The following ITPR2 variants were observed in gnomAD, a reference collection of about 807,000 sequenced individuals.
ITPR2 encodes inositol 1,4,5-trisphosphate-gated calcium channel ITPR2.
In ITPR2, 207 loss-of-function variants were observed where a neutral mutation model predicts 317.1. That is an observed-to-expected ratio of 0.65 (90% CI 0.58 to 0.73). The LOEUF (loss-of-function observed/expected upper bound fraction) is 0.73. Among genes scored for constraint, ITPR2 ranks in the 30% least tolerant of loss-of-function variants. The pLI is 0.00. For synonymous variants in ITPR2, 1,156 were observed against 1,149.1 expected, an observed-to-expected ratio of 1.01 and a Z score of -0.12; for missense variants, 2,613 against 3,284.0, an observed-to-expected ratio of 0.80 and a Z score of 4.99.
chr12:26,697,317 G>C (rs931043515), intron 9 of ITPR2, among the ~76,000 whole-genome samples: 3 of 152,080 alleles, frequency 2.0e-5, no homozygotes, highest in Non-Finnish European at 4.4e-5. Flanking sequence ...AACAAAGGAA[G>C]GAAAAAAGAA....
At chr12:26,424,901 A>AT (rs1941010123) in intron 49 of ITPR2, among the ~76,000 whole-genome samples, 1 of 151,888 alleles carries the variant, frequency 6.6e-6, no homozygotes, top group South Asian at 2.1e-4. Flanking sequence ...CTGGGACTAC[A>AT]GGTACGCACC....
At chr12:26,654,692 ACTCTCT>A (rs112280466) in intron 20 of ITPR2, among the ~76,000 whole-genome samples, 4,109 of 148,972 alleles carry the variant, frequency 0.028, 54 homozygotes, top group Middle Eastern at 0.069. Context: ...TCCATCTTGT[ACTCTCT>A]CTCTCTCTCT....
chr12:26,461,689 T>TACAC (rs1555133712), intron 45 of ITPR2, among the ~76,000 whole-genome samples: 2 of 93,192 alleles, frequency 2.1e-5, no homozygotes, highest in African/African-American at 7.7e-5. Flanking sequence ...TACATATATA[T>TACAC]ATACACACAC....
chr12:26,738,273 G>A (rs757739137), intron 2 of ITPR2, among the ~76,000 whole-genome samples: 1 of 152,168 alleles, frequency 6.6e-6, no homozygotes, highest in Non-Finnish European at 1.5e-5. Context: ...ACTAAAGATA[G>A]AAAGGACATA....
rs775585829 is a variant in ITPR2 at position 26,831,785 on chromosome 12, TATAA to T, written c.92+901_92+904del. ...ATAAATATATATTCTACATAAAATA[TATAA>T]ATATATATTATACATAAAATATATA... is the stretch of plus-strand genomic sequence containing the variant. On this transcript the variant is annotated intron_variant, in intron 1 of 56. Transcript: ENST00000381340. The surrounding 1 kb of genome is among the most constrained non-coding windows in gnomAD (Gnocchi z 4.9). 3.8e-4 allele frequency among the ~76,000 whole-genome samples: 35 copies of T among 91,704 alleles called. No homozygotes were observed. Among genetic ancestry groups the T allele is most frequent in the Admixed American group, 1.8e-3 (17 of 9,396 alleles). 60.2% of individuals were successfully genotyped at this position (91,704 alleles called of 152,430 possible).
chr12:26,443,161 A>G (rs1357729507), intron 46 of ITPR2, among the ~76,000 whole-genome samples: 1 of 152,176 alleles, frequency 6.6e-6, no homozygotes, highest in Non-Finnish European at 1.5e-5. Context: ...TCCACTTGTG[A>G]ATTGCTGGAG....
intron 37 of ITPR2, among the ~76,000 whole-genome samples, chr12:26,549,776 T>C (rs1308216791): frequency 2.0e-5 from 3 of 152,004 alleles, no homozygotes; most frequent in Non-Finnish European, 4.4e-5. Flanking sequence ...AGAAACTGAC[T>C]ATTCCACTTA....
Position 26,343,407 on chromosome 12 carries a change from A to T in ITPR2, c.7858-3079T>A, listed in dbSNP as rs563362620. Among the ~76,000 whole-genome samples, 8 of 152,360 alleles carry T rather than the reference A, an allele frequency of 5.3e-5. 1 individual carries two copies. Among genetic ancestry groups the T allele is most frequent in the African/African-American group, 1.9e-4 (8 of 41,596 alleles). ...TAAATATCACTGAACTTGGGAAGTT[A>T]GTGTTTAATGGATGCAGACTATTAG... On this transcript the variant is annotated intron_variant, in intron 55 of 56. Transcript: ENST00000381340.
chr12:26,664,225 C>A (rs1397428786), intron 14 of ITPR2, among the ~76,000 whole-genome samples: 1 of 152,106 alleles, frequency 6.6e-6, no homozygotes, highest in Non-Finnish European at 1.5e-5. Context: ...TTTTCTATAA[C>A]CTTTCAAAAT....
intron 39 of ITPR2, among the ~76,000 whole-genome samples, chr12:26,492,394 G>A (rs1270535889): frequency 6.6e-6 from 1 of 151,682 alleles, no homozygotes; most frequent in Non-Finnish European, 1.5e-5. Flanking sequence ...GACCCTTAGT[G>A]GCCTAGAAAC....
intron 48 of ITPR2, among the ~76,000 whole-genome samples, chr12:26,433,132 G>A (rs1565523731): frequency 6.6e-6 from 1 of 152,162 alleles, no homozygotes. Context: ...TATTCATGGG[G>A]CTATAATTAA....
chr12:26,485,422 G>A (rs1942643766), intron 41 of ITPR2, among the ~76,000 whole-genome samples: 1 of 152,174 alleles, frequency 6.6e-6, no homozygotes, highest in Non-Finnish European at 1.5e-5. Context: ...AGACGAAATG[G>A]GTTAGGATAG....
At chr12:26,478,370 T>A (rs1037538219) in intron 43 of ITPR2, among the ~76,000 whole-genome samples, 3 of 152,004 alleles carry the variant, frequency 2.0e-5, no homozygotes, top group Non-Finnish European at 4.4e-5. Context: ...GTATCCCACA[T>A]AAATAACATA....
At chr12:26,687,078 A>T (rs1206924827) in intron 10 of ITPR2, among the ~76,000 whole-genome samples, 1 of 152,174 alleles carries the variant, frequency 6.6e-6, no homozygotes, top group East Asian at 1.9e-4. Flanking sequence ...AGAGGAGCAG[A>T]ATCAACAGCA....
intron 1 of ITPR2, among the ~76,000 whole-genome samples, chr12:26,822,679 G>C (rs1157319623): frequency 6.6e-6 from 1 of 152,102 alleles, no homozygotes; most frequent in Non-Finnish European, 1.5e-5. Flanking sequence ...AAAGGCACTG[G>C]GTACTTCGCA....
chr12:26,721,456 C>T (rs1948838886), intron 5 of ITPR2: 1 of 426,966 alleles, frequency 2.3e-6, no homozygotes, highest in Non-Finnish European at 4.2e-6. Context: ...AAAGTTTCAA[C>T]TGAAAAAACT....
At position 26,602,711 on chromosome 12, in the gene ITPR2, A is replaced by G; in HGVS notation, c.3463-5T>C. On this transcript the variant is annotated splice_polypyrimidine_tract_variant and splice_region_variant and intron_variant, in intron 26 of 56. Transcript: ENST00000381340. ...TGGACTTAAAATGTTTGATTCCTAA[A>G]AGGAACACAAATATGTACTTTTATG... 6.4e-7 allele frequency: 1 copy of G among 1,559,952 alleles called. No homozygotes were observed.
chr12:26,685,576 A>G (rs1413389836), intron 11 of ITPR2, among the ~76,000 whole-genome samples: 1 of 152,184 alleles, frequency 6.6e-6, no homozygotes, highest in Non-Finnish European at 1.5e-5. Flanking sequence ...CACCCTGGAC[A>G]ACAGAGTGAG....
At chr12:26,756,691 C>T (rs1399740785) in intron 2 of ITPR2, among the ~76,000 whole-genome samples, 2 of 152,160 alleles carry the variant, frequency 1.3e-5, no homozygotes, top group Non-Finnish European at 2.9e-5. Flanking sequence ...GGCAGAAATA[C>T]CATCACCCCT....
Sources: allele counts gnomAD v4.1 joint callset (sites outside exome capture counted in the v4.1 genomes callset), GRCh38; gene constraint gnomAD v4.1.1; non-coding constraint Gnocchi (gnomAD v3.1); transcripts MANE v1.5; gene names NCBI Gene and HGNC (gene_info 2026-07-23, HGNC 2026-07-21).